CSGALNACT1: variants seen among roughly 807,000 people sequenced by gnomAD.
CSGALNACT1 encodes chondroitin sulfate N-acetylgalactosaminyltransferase 1.
A neutral mutation model predicts 51.0 loss-of-function variants in CSGALNACT1; 52 were observed. That is an observed-to-expected ratio of 1.02 (90% CI 0.82 to 1.29). CSGALNACT1 has a LOEUF of 1.29. Among genes scored for constraint, CSGALNACT1 ranks in the 50% most tolerant of loss-of-function variants. CSGALNACT1 has a pLI of 0.00. For synonymous variants in CSGALNACT1, 341 were observed against 254.4 expected, an observed-to-expected ratio of 1.34 and a Z score of -3.24; for missense variants, 935 against 679.2, an observed-to-expected ratio of 1.38 and a Z score of -4.19.
At chr8:19,452,434 A>G (rs12677088) in intron 5 of CSGALNACT1, among the ~76,000 whole-genome samples, 101,022 of 150,242 alleles carry the variant, frequency 0.67, 34,357 homozygotes, top group East Asian at 0.86. Context: ...AAAAAAAAGC[A>G]GGGAAGGGGA....
At chr8:19,592,239 A>G (rs1333181607) in intron 2 of CSGALNACT1, among the ~76,000 whole-genome samples, 1 of 152,218 alleles carries the variant, frequency 6.6e-6, no homozygotes, top group Non-Finnish European at 1.5e-5. Flanking sequence ...ACCAGAACCC[A>G]GTACATTAGG....
At chr8:19,671,870 A>T (rs527906620) in intron 1 of CSGALNACT1, among the ~76,000 whole-genome samples, 2 of 152,332 alleles carry the variant, frequency 1.3e-5, no homozygotes, top group Non-Finnish European at 2.9e-5. Flanking sequence ...CCAAGCCATT[A>T]AATATTCTTT....
chr8:19,675,205 A>C (rs567231667), intron 1 of CSGALNACT1, among the ~76,000 whole-genome samples: 1 of 152,334 alleles, frequency 6.6e-6, no homozygotes, highest in East Asian at 1.9e-4. Context: ...AACAAAATAT[A>C]AACAGCAACT....
At chr8:19,739,197 G>A (rs1182559325) in intron 1 of CSGALNACT1, among the ~76,000 whole-genome samples, 2 of 151,442 alleles carry the variant, frequency 1.3e-5, no homozygotes, top group South Asian at 2.1e-4. Flanking sequence ...GTAATTTTCT[G>A]GCCACTTGTA....
intron 1 of CSGALNACT1, among the ~76,000 whole-genome samples, chr8:19,688,464 A>C (rs7833352): frequency 0.76 from 115,734 of 152,028 alleles, 44,201 homozygotes; most frequent in East Asian, 0.85. Context: ...CATTTTTCTA[A>C]AGGTGGAATT....
At chr8:19,730,177 T>C (rs2063613344) in intron 1 of CSGALNACT1, among the ~76,000 whole-genome samples, 1 of 152,088 alleles carries the variant, frequency 6.6e-6, no homozygotes, top group African/African-American at 2.4e-5. Flanking sequence ...AAATGCAAAG[T>C]CAAAATCACA....
At chr8:19,655,579 C>CACACATAT (rs377123745) in intron 1 of CSGALNACT1, among the ~76,000 whole-genome samples, 12 of 111,828 alleles carry the variant, frequency 1.1e-4, no homozygotes, top group Admixed American at 3.8e-4. Flanking sequence ...CACACACACA[C>CACACATAT]ATATATATAT....
intron 1 of CSGALNACT1, chr8:19,732,502 TA>T (rs1387635589): frequency 2.0e-5 from 3 of 152,102 alleles, no homozygotes; most frequent in Non-Finnish European, 4.4e-5. Context: ...ATCCTGAAAA[TA>T]GAATAAAAAG....
intron 2 of CSGALNACT1, among the ~76,000 whole-genome samples, chr8:19,593,617 A>G (rs1047515781): frequency 6.6e-6 from 1 of 152,232 alleles, no homozygotes; most frequent in East Asian, 1.9e-4. Context: ...GGAAGTCTGT[A>G]GATTTCTTTA....
intron 3 of CSGALNACT1, among the ~76,000 whole-genome samples, chr8:19,527,601 C>T (rs925579206): frequency 1.4e-4 from 21 of 152,124 alleles, no homozygotes; most frequent in African/African-American, 5.1e-4. Context: ...CAAAGTGAGA[C>T]TCCATGTCAA....
At chr8:19,531,963 G>C (rs951804138) in intron 3 of CSGALNACT1, 1 of 152,106 alleles carries the variant, frequency 6.6e-6, no homozygotes, top group African/African-American at 2.4e-5. Context: ...GGGAAAAGAG[G>C]AGCCTGGCCC....
chr8:19,537,147 A>G (rs1478637152), intron 3 of CSGALNACT1, among the ~76,000 whole-genome samples: 7 of 152,174 alleles, frequency 4.6e-5, no homozygotes. Context: ...CTCATGAGTA[A>G]GCAGAAACTA....
chr8:19,460,859 A>G (rs1770227014), intron 4 of CSGALNACT1, among the ~76,000 whole-genome samples: 2 of 152,044 alleles, frequency 1.3e-5, no homozygotes, highest in South Asian at 4.2e-4. Context: ...CACTGGTTTT[A>G]TAGCCTCTTT....
At chr8:19,497,365 A>G (rs1266632238) in intron 4 of CSGALNACT1, among the ~76,000 whole-genome samples, 1 of 152,142 alleles carries the variant, frequency 6.6e-6, no homozygotes, top group Non-Finnish European at 1.5e-5. Flanking sequence ...CCCCAAACAC[A>G]AGGTATCTCA....
upstream of CSGALNACT1, among the ~76,000 whole-genome samples, chr8:19,605,427 C>T (rs111401691): frequency 0.011 from 1,653 of 152,254 alleles, 38 homozygotes; most frequent in African/African-American, 0.038. Flanking sequence ...GAGAGTGAGA[C>T]TCTGTCTCCA....
Position 19,699,769 on chromosome 8 carries a change from CTG to C in CSGALNACT1, c.-297+58079_-297+58080del, listed in dbSNP as rs923914873. 1.4e-3 allele frequency among the ~76,000 whole-genome samples: 210 copies of C among 152,256 alleles called. 1 individual carries two copies. Among genetic ancestry groups the C allele is most frequent in the African/African-American group, 5.0e-3 (209 of 41,548 alleles). ...TGCCACTGAATTGTACACTTAAACACTGTTAACACTGTAAATTTTATGTTCAG... is the reference window on the plus strand; with the variant it reads ...TGCCACTGAATTGTACACTTAAACACTTAACACTGTAAATTTTATGTTCAG... On this transcript the variant is annotated intron_variant, in intron 1 of 1. Coordinates refer to the CSGALNACT1 transcript ENST00000517494.
At chr8:19,457,811 G>C (rs150858406) in intron 5 of CSGALNACT1, 2 of 1,351,204 alleles carry the variant, frequency 1.5e-6, no homozygotes, top group East Asian at 4.6e-5. Context: ...AACTTCATCA[G>C]CAGGCCTGAA....
intron 1 of CSGALNACT1, among the ~76,000 whole-genome samples, chr8:19,661,926 A>G (rs1238012319): frequency 3.3e-5 from 5 of 152,042 alleles, no homozygotes; most frequent in Non-Finnish European, 7.4e-5. Flanking sequence ...CTTCATCCTA[A>G]TAGTTCAAGA....
intron 4 of CSGALNACT1, among the ~76,000 whole-genome samples, chr8:19,480,529 T>C (rs2071074653): frequency 6.6e-6 from 1 of 152,218 alleles, no homozygotes; most frequent in Non-Finnish European, 1.5e-5. Context: ...GATGGGCATT[T>C]AGGTTGATTC....
Sources: gnomAD v4.1 joint callset for allele counts (sites outside exome capture counted in the v4.1 genomes callset) on GRCh38, gnomAD v4.1.1 for gene constraint, MANE v1.5 for transcripts, NCBI Gene and HGNC (gene_info 2026-07-23, HGNC 2026-07-21) for gene names.